Variants in SCIN observed in about 807,000 individuals in gnomAD.
SCIN encodes the protein scinderin.
In SCIN, 91 loss-of-function variants were observed where a neutral mutation model predicts 91.8. The observed-to-expected ratio is 0.99, with a 90% CI of 0.84 to 1.18. The LOEUF (loss-of-function observed/expected upper bound fraction) is 1.18. Ranked by LOEUF, SCIN falls within the 50% of genes most tolerant of loss-of-function variation. SCIN has a pLI of 0.00. For missense variants in SCIN, 1,087 were observed against 863.9 expected, an observed-to-expected ratio of 1.26 and a Z score of -3.24; for synonymous variants, 367 against 312.6, an observed-to-expected ratio of 1.17 and a Z score of -1.84.
chr7:12,633,680 G>C (rs1417956334), intron 9 of SCIN, among the ~76,000 whole-genome samples: 1 of 152,162 alleles, frequency 6.6e-6, no homozygotes, highest in Non-Finnish European at 1.5e-5. Flanking sequence ...CTTCCCTCCA[G>C]AATAAAAGCA....
At chr7:12,625,968 C>T in intron 7 of SCIN, 118 bp downstream of exon 7, 2 of 632,792 alleles carry the variant, frequency 3.2e-6, no homozygotes, top group Non-Finnish European at 5.4e-6. Flanking sequence ...AGTGATTCTC[C>T]ACCTGCCTGT....
chr7:12,641,770 T>C (rs113002083), intron 11 of SCIN, among the ~76,000 whole-genome samples: 2 of 152,116 alleles, frequency 1.3e-5, no homozygotes, highest in African/African-American at 4.8e-5. Context: ...GCTGAATCCA[T>C]GAACCCGCTG....
chr7:12,583,960 G>T (rs1005339303), intron 3 of SCIN, among the ~76,000 whole-genome samples: 2 of 152,188 alleles, frequency 1.3e-5, no homozygotes, highest in Non-Finnish European at 2.9e-5. Context: ...AGGTACTGGT[G>T]CTTGGTTATC....
Position 12,644,307 on chromosome 7 carries a change from A to G in SCIN, c.1751A>G (p.Glu584Gly), listed in dbSNP as rs1479470344. The G allele has an allele frequency of 6.3e-7, 1 of 1,583,154 alleles. No homozygotes were observed. The highest frequency in any genetic ancestry group is 1.8e-5 in the Admixed American group (1 of 54,806). ...KCKTLRIQEG[E>G]EPEEFWNSLG... ...AAAACCTTAAGGATCCAAGAAGGCG[A>G]GGAGCCAGGTGTGTGCTCTGGGGCC... Residue 584 changes from glutamate to glycine, a missense_variant, in exon 12 of 16, where the codon GAG becomes GGG. Physicochemically the swap from Glu to Gly is moderately conservative, Grantham distance 98 (BLOSUM62 -2). Transcript: ENST00000297029.
intron 6 of SCIN, among the ~76,000 whole-genome samples, chr7:12,625,375 A>G (rs1445791232): frequency 6.6e-6 from 1 of 151,792 alleles, no homozygotes; most frequent in Non-Finnish European, 1.5e-5. Flanking sequence ...TTTTACAAAT[A>G]ACGTTTTTTC....
At chr7:12,612,052 G>T (rs892082375) in intron 4 of SCIN, among the ~76,000 whole-genome samples, 35 of 151,696 alleles carry the variant, frequency 2.3e-4, no homozygotes, top group African/African-American at 8.3e-4. Flanking sequence ...TCTGTACTTT[G>T]TAAGAATGGA....
In SCIN at chr7:12,570,995, G is replaced by T; in HGVS notation, c.199+10G>T. Reference sequence around the variant, plus strand: ...CTGCACTTCTGGCTCGGTAAGGGACGGCGGGCGGCGGGACCCCGACGCACC... The same window carrying T: ...CTGCACTTCTGGCTCGGTAAGGGACTGCGGGCGGCGGGACCCCGACGCACC... On this transcript the variant is annotated intron_variant, in intron 1 of 15. Coordinates refer to ENST00000297029, the MANE Select transcript of SCIN (RefSeq NM_001112706.3). 2 of 1,544,556 alleles carry T rather than the reference G, an allele frequency of 1.3e-6. No individual in the cohort carries two copies. Among genetic ancestry groups the T allele is most frequent in the Non-Finnish European group, 1.8e-6 (2 of 1,142,702 alleles).
At position 12,657,747 on chromosome 7, in the gene SCIN, A is replaced by G. The variant is rs1354391262; in HGVS notation, c.*5032A>G. On this transcript the variant is annotated 3_prime_UTR_variant, in exon 16 of 16. Coordinates refer to ENST00000297029, the MANE Select transcript of SCIN (RefSeq NM_001112706.3). ...ATATTGATGTGAAAAGCAGCCAAGT[A>G]TTATTTGACAACATCAGTCCCTTAT... is the stretch of plus-strand genomic sequence containing the variant. The G allele has an allele frequency of 6.6e-6, 1 of 151,136 alleles. No homozygotes were observed. Among genetic ancestry groups the G allele is most frequent in the Non-Finnish European group, 1.5e-5 (1 of 67,776 alleles). 9.4% of individuals were successfully genotyped at this position (151,136 alleles called of 1,614,324 possible). A position where few individuals can be genotyped will look rare whatever the true frequency, so the allele number is the denominator to read the frequency against.
At chr7:12,636,249 C>T (rs562742570) in intron 10 of SCIN, 114 bp downstream of exon 10, 3 of 677,032 alleles carry the variant, frequency 4.4e-6, no homozygotes, top group South Asian at 2.0e-5. Context: ...TTGATATGAA[C>T]TGTGTTTTCA....
chr7:12,642,908 A>G lies in SCIN; in HGVS notation c.1582-1230A>G, dbSNP rs141468646. Among the ~76,000 whole-genome samples, 69 of 152,226 alleles carry G rather than the reference A, an allele frequency of 4.5e-4. No individual in the cohort carries two copies. In the East Asian group the frequency reaches 8.1e-3, roughly 18 times the overall value. ...CTTCACTGTGGTCTCATTCAGTCAT[A>G]TGGTTTAAATGCTACCATATGTATT... On this transcript the variant is annotated intron_variant, in intron 11 of 15. Transcript: ENST00000297029.
At chr7:12,588,714 C>G (rs1782643532) in intron 3 of SCIN, among the ~76,000 whole-genome samples, 1 of 151,126 alleles carries the variant, frequency 6.6e-6, no homozygotes, top group Non-Finnish European at 1.5e-5. Flanking sequence ...GCCCGTAGGG[C>G]TGTAAGCAAG....
intron 15 of SCIN, among the ~76,000 whole-genome samples, 198 bp downstream of exon 15, chr7:12,652,099 T>C (rs969564475): frequency 2.6e-5 from 4 of 152,232 alleles, no homozygotes; most frequent in Non-Finnish European, 5.9e-5. Context: ...AACAATATGT[T>C]TTGTTATCTA....
In SCIN at chr7:12,650,899, C is replaced by T. The variant is rs182761781; in HGVS notation, c.1960-942C>T. On this transcript the variant is annotated intron_variant, in intron 14 of 15. Transcript: ENST00000297029. ...GGATCACCCACAGACAAGCTCTACA[C>T]GTGGTCTACATGTGGTCTCTTCCAG... Among the ~76,000 whole-genome samples the T allele has an allele frequency of 2.4e-4, 36 of 152,280 alleles. 1 individual carries two copies. Among genetic ancestry groups the T allele is most frequent in the African/African-American group, 6.0e-4 (25 of 41,544 alleles).
At position 12,601,293 on chromosome 7, in the gene SCIN, C is replaced by T. The variant is rs1288455653; in HGVS notation, c.517-3221C>T. Among the ~76,000 whole-genome samples, 40 of 152,132 alleles carry T rather than the reference C, an allele frequency of 2.6e-4. 1 individual carries two copies. Among genetic ancestry groups the T allele is most frequent in the Admixed American group, 2.6e-3 (39 of 15,276 alleles). The stretch of plus-strand genomic sequence containing the variant: ...AGGAGAGGCTGCCCCATTTTAGTCA[C>T]TCAGTAAACCATTTTTTGAGTGAAG... On this transcript the variant is annotated intron_variant, in intron 3 of 15. Transcript: ENST00000297029.
In SCIN at chr7:12,652,944, A is replaced by G; in HGVS notation, c.*229A>G. 1 of 402,744 alleles carries G rather than the reference A, an allele frequency of 2.5e-6. No homozygotes were observed. Among genetic ancestry groups the G allele is most frequent in the Non-Finnish European group, 4.4e-6 (1 of 227,154 alleles). The allele number at this position is 402,744 out of a possible 1,614,324, so 24.9% of individuals were successfully genotyped here. ...ATGGCGAAACCTCGCCTCTACTAAA[A>G]ATACAAAAAAATTAGCTGCGCGTGG... On this transcript the variant is annotated 3_prime_UTR_variant, in exon 16 of 16. Transcript: ENST00000297029.
At chr7:12,578,310 C>G (rs1782417501) in intron 2 of SCIN, 92 bp downstream of exon 2, 1 of 1,206,270 alleles carries the variant, frequency 8.3e-7, no homozygotes, top group Non-Finnish European at 1.1e-6. Context: ...TCGTTGAGGG[C>G]AGGGGTTTTT....
At chr7:12,630,894 A>G (rs1242228541) in intron 9 of SCIN, among the ~76,000 whole-genome samples, 1 of 152,226 alleles carries the variant, frequency 6.6e-6, no homozygotes, top group East Asian at 1.9e-4. Flanking sequence ...ATTTTAATTC[A>G]GAAAAGTGTT....
Position 12,647,340 on chromosome 7 carries a change from G to T in SCIN, c.1882-2127G>T, listed in dbSNP as rs1030736160. On this transcript the variant is annotated intron_variant, in intron 13 of 15. Transcript: ENST00000297029. The stretch of plus-strand genomic sequence containing the variant: ...AAAGGATTGTTGCTAACAAATCTTT[G>T]ATCTTATAATTACTATCAGAAAGTA... Among the ~76,000 whole-genome samples, 68 of 151,996 alleles carry T rather than the reference G, an allele frequency of 4.5e-4. 2 individuals carry two copies. Among genetic ancestry groups the T allele is most frequent in the Non-Finnish European group, 2.9e-5 (2 of 67,962 alleles).
chr7:12,629,565 T>G (rs1783601598), intron 9 of SCIN, among the ~76,000 whole-genome samples: 2 of 152,152 alleles, frequency 1.3e-5, no homozygotes, highest in South Asian at 4.1e-4. Flanking sequence ...TTCTTATGGT[T>G]AAAATTCACA....
Sources: allele counts gnomAD v4.1 joint callset (sites outside exome capture counted in the v4.1 genomes callset), GRCh38; gene constraint gnomAD v4.1.1; transcripts MANE v1.5; gene names NCBI Gene and HGNC (gene_info 2026-07-23, HGNC 2026-07-21).